Variants in REPS1 observed in about 807,000 individuals in gnomAD.
The protein encoded by REPS1 is ralBP1-associated Eps domain-containing protein 1.
In REPS1, 39 loss-of-function variants were observed where a neutral mutation model predicts 100.9. The observed-to-expected ratio is 0.39, with a 90% CI of 0.30 to 0.50. The LOEUF is 0.50. REPS1 is among the 20% of genes least tolerant of loss of function. The pLI, the probability that REPS1 is intolerant of heterozygous loss-of-function variation, is 0.86. For missense variants in REPS1, 821 were observed against 968.5 expected (o/e 0.85, Z 2.02); for synonymous variants, 324 against 340.3 (o/e 0.95, Z 0.53).
rs537383738 is a variant in REPS1 at position 138,954,108 on chromosome 6, A to G, written c.154-6195T>C. On this transcript the variant is annotated intron_variant, in intron 1 of 19. Coordinates refer to ENST00000450536, the MANE Select transcript of REPS1 (RefSeq NM_001286611.2). ...AATCCAGGAACAGAAAATTAAACTC[A>G]TATGTGGAAAAAAAAAAAAGTTGAT... Among the ~76,000 whole-genome samples, 7 of 152,072 alleles carry G rather than the reference A, an allele frequency of 4.6e-5. No homozygotes were observed. In the South Asian group the frequency reaches 1.2e-3, roughly 27 times the overall value.
intron 19 of REPS1, 155 bp downstream of exon 19, chr6:138,907,340 G>GTGTGT: frequency 2.5e-4 from 121 of 490,372 alleles, no homozygotes; most frequent in Non-Finnish European, 3.3e-4. Flanking sequence ...GTGTGTGTGT[G>GTGTGT]GCGGGGAGGG....
chr6:138,973,419 C>T (rs1351091565), intron 1 of REPS1, among the ~76,000 whole-genome samples: 1 of 151,844 alleles, frequency 6.6e-6, no homozygotes, highest in African/African-American at 2.4e-5. Context: ...GAAAAGAATT[C>T]ATCATAGGAA....
chr6:138,970,267 A>C (rs1216433945), intron 1 of REPS1, among the ~76,000 whole-genome samples: 1 of 152,032 alleles, frequency 6.6e-6, no homozygotes, highest in Non-Finnish European at 1.5e-5. Flanking sequence ...ATAGATGGAA[A>C]AGAGGAGTCA....
chr6:138,933,636 AC>A (rs1439794639), intron 8 of REPS1, among the ~76,000 whole-genome samples: 1 of 152,224 alleles, frequency 6.6e-6, no homozygotes. Context: ...TTCTATTAAG[AC>A]AGATGTAAAA....
At chr6:138,979,805 T>G (rs1784833165) in intron 1 of REPS1, among the ~76,000 whole-genome samples, 1 of 152,236 alleles carries the variant, frequency 6.6e-6, no homozygotes, top group African/African-American at 2.4e-5. Flanking sequence ...GGATTCCAGT[T>G]CTAGTCAATC....
chr6:138,966,660 C>T (rs1395382383), intron 1 of REPS1, among the ~76,000 whole-genome samples: 4 of 152,168 alleles, frequency 2.6e-5, no homozygotes, highest in Admixed American at 2.6e-4. Flanking sequence ...GTAGTACATT[C>T]ATCTAATAAG....
chr6:138,953,494 GCA>G (rs1254556384), intron 1 of REPS1, among the ~76,000 whole-genome samples: 1 of 151,818 alleles, frequency 6.6e-6, no homozygotes, highest in Non-Finnish European at 1.5e-5. Flanking sequence ...TATCTCAACA[GCA>G]AAAAACAAAA....
At chr6:138,939,302 G>A (rs889661444) in intron 8 of REPS1, among the ~76,000 whole-genome samples, 4 of 152,088 alleles carry the variant, frequency 2.6e-5, no homozygotes, top group African/African-American at 7.2e-5. Flanking sequence ...CTGGGTCTGT[G>A]ATACTTTTAA....
At chr6:138,979,190 AAAAAAAAC>A (rs1311608908) in intron 1 of REPS1, among the ~76,000 whole-genome samples, 5 of 148,738 alleles carry the variant, frequency 3.4e-5, no homozygotes, top group South Asian at 2.1e-4. Flanking sequence ...CAAAAAAAAA[AAAAAAAAC>A]AAAAAAAAAA....
chr6:138,955,702 T>C (rs1783341320), intron 1 of REPS1, among the ~76,000 whole-genome samples: 1 of 151,982 alleles, frequency 6.6e-6, no homozygotes. Context: ...CACTAACTTC[T>C]AGGAAAAAAG....
intron 1 of REPS1, among the ~76,000 whole-genome samples, chr6:138,960,559 T>G (rs945060019): frequency 8.5e-5 from 13 of 152,152 alleles, no homozygotes; most frequent in African/African-American, 3.1e-4. Flanking sequence ...TTCCTTAATG[T>G]CTAGCTTAGG....
intron 10 of REPS1, among the ~76,000 whole-genome samples, chr6:138,923,079 C>CA (rs1450225733): frequency 6.6e-6 from 1 of 152,036 alleles, no homozygotes; most frequent in Non-Finnish European, 1.5e-5. Flanking sequence ...CCCTACAACT[C>CA]AAAAATTATA....
chr6:138,955,250 G>C (rs904155300), intron 1 of REPS1, among the ~76,000 whole-genome samples: 11 of 151,960 alleles, frequency 7.2e-5, no homozygotes. Context: ...AGCATTTCAA[G>C]ATCAGCCTGG....
At chr6:138,924,305 A>G (rs1363012919) in intron 10 of REPS1, among the ~76,000 whole-genome samples, 1 of 152,132 alleles carries the variant, frequency 6.6e-6, no homozygotes, top group Non-Finnish European at 1.5e-5. Context: ...CAAATTAATC[A>G]CTCTATTTTC....
At chr6:138,977,086 C>T (rs1784638931) in intron 1 of REPS1, among the ~76,000 whole-genome samples, 1 of 152,120 alleles carries the variant, frequency 6.6e-6, no homozygotes, top group Non-Finnish European at 1.5e-5. Context: ...AATTTATACA[C>T]CATAAAATTC....
chr6:138,937,741 C>T (rs1487031853), intron 8 of REPS1, among the ~76,000 whole-genome samples: 1 of 152,174 alleles, frequency 6.6e-6, no homozygotes. Flanking sequence ...AGTTAAAAAT[C>T]ATTGGCTCAG....
intron 12 of REPS1, among the ~76,000 whole-genome samples, chr6:138,919,196 A>G (rs1780596170): frequency 6.6e-6 from 1 of 152,166 alleles, no homozygotes; most frequent in Non-Finnish European, 1.5e-5. Flanking sequence ...TACATCCTAT[A>G]GCACACAGGT....
At position 138,952,828 on chromosome 6, in the gene REPS1, G is replaced by GT. The variant is rs750091781; in HGVS notation, c.154-4916dup. ...TGGAGATACAGACAGATAGTTTTTT[G>GT]TTTTTGTTTTTTTTTTTTTGAGACA... is the stretch of plus-strand genomic sequence containing the variant. On this transcript the variant is annotated intron_variant, in intron 1 of 19. Coordinates refer to ENST00000450536, the MANE Select transcript of REPS1 (RefSeq NM_001286611.2). Among the ~76,000 whole-genome samples, 399 of 145,420 alleles carry GT rather than the reference G, an allele frequency of 2.7e-3. 4 individuals are homozygous for GT. Among genetic ancestry groups the GT allele is most frequent in the African/African-American group, 9.2e-3 (360 of 38,994 alleles).
chr6:138,943,486 A>C, intron 7 of REPS1, 27 bp downstream of exon 7: 1 of 1,437,220 alleles, frequency 7.0e-7, no homozygotes. Context: ...CAACCCAGTT[A>C]CCCAACTAAT....
Sources: gnomAD v4.1 joint callset for allele counts (sites outside exome capture counted in the v4.1 genomes callset) on GRCh38, gnomAD v4.1.1 for gene constraint, MANE v1.5 for transcripts, NCBI Gene and HGNC (gene_info 2026-07-23, HGNC 2026-07-21) for gene names.